The following GAS6 variants were observed in gnomAD, a reference collection of about 807,000 sequenced individuals.
GAS6 encodes growth arrest-specific protein 6.
GAS6 carries 41 observed loss-of-function variants against 75.8 expected under a neutral mutation model. The observed-to-expected ratio is 0.54, with a 90% CI of 0.42 to 0.70. GAS6 has a LOEUF of 0.70. Among genes scored for constraint, GAS6 ranks in the 30% least tolerant of loss-of-function variants. The pLI is 0.00. For synonymous variants in GAS6, 432 were observed against 412.6 expected (o/e 1.05, Z -0.57); for missense variants, 854 against 940.2 (o/e 0.91, Z 1.20).
Position 113,835,648 on chromosome 13 carries a change from A to G in GAS6, c.590-13T>C, listed in dbSNP as rs2051693693. On this transcript the variant is annotated splice_polypyrimidine_tract_variant and intron_variant, in intron 6 of 14. Coordinates refer to ENST00000327773, the MANE Select transcript of GAS6 (RefSeq NM_000820.4). The stretch of plus-strand genomic sequence containing the variant: ...CACTCGTCTATGTCTGCAAGCAAAA[A>G]AAAACCGGCCAACCGCAGCACAGCG... 6.2e-7 allele frequency: 1 copy of G among 1,609,592 alleles called. No individual in the cohort carries two copies. Among genetic ancestry groups the G allele is most frequent in the Non-Finnish European group, 8.5e-7 (1 of 1,178,762 alleles).
At position 113,837,940 on chromosome 13, in the gene GAS6, C is replaced by T; in HGVS notation, c.589+129G>A. The T allele has an allele frequency of 2.7e-6, 3 of 1,116,910 alleles. No individual in the cohort carries two copies. Among genetic ancestry groups the T allele is most frequent in the Non-Finnish European group, 3.9e-6 (3 of 775,780 alleles). 69.2% of individuals were successfully genotyped at this position (1,116,910 alleles called of 1,614,324 possible). On this transcript the variant is annotated intron_variant, in intron 6 of 14. Transcript: ENST00000327773. This position sits in a 1 kb window ranked among gnomAD's most constrained non-coding sequence, Gnocchi z 5.1. Reference sequence around the variant, plus strand: ...CTGGCCTGGGCTTGTGTAGTCTCTGCAGGATGCCCCATCCCATCCAGAACC... The same window carrying T: ...CTGGCCTGGGCTTGTGTAGTCTCTGTAGGATGCCCCATCCCATCCAGAACC...
intron 10 of GAS6, among the ~76,000 whole-genome samples, chr13:113,830,044 G>A (rs1374806165): frequency 6.6e-6 from 1 of 152,244 alleles, no homozygotes; most frequent in Non-Finnish European, 1.5e-5. Flanking sequence ...TCTGGGCCAG[G>A]AGGGCCCTCG....
chr13:113,855,809 C>G (rs2051909909), intron 2 of GAS6, among the ~76,000 whole-genome samples: 1 of 152,242 alleles, frequency 6.6e-6, no homozygotes. Context: ...GCCCTGGCAG[C>G]TGCCTGAGGG....
At chr13:113,827,431 T>A (rs1216099826) in intron 11 of GAS6, among the ~76,000 whole-genome samples, 2 of 152,244 alleles carry the variant, frequency 1.3e-5, no homozygotes, top group Non-Finnish European at 2.9e-5. Flanking sequence ...CATGTGGGTC[T>A]AAGGTCAAAG....
rs191084562 is a variant in GAS6, at chr13:113,832,827, G to A, written c.835-75C>T. The A allele has an allele frequency of 1.2e-4, 191 of 1,602,574 alleles. 2 individuals are homozygous for A. In the East Asian group the frequency reaches 3.0e-3, roughly 25 times the overall value. Reference sequence around the variant, plus strand: ...CTCCCCTGAGCCCCACGCCCCGGCCGCGCAGCGGGTCCACTGTCCCTCCTG... The same window carrying A: ...CTCCCCTGAGCCCCACGCCCCGGCCACGCAGCGGGTCCACTGTCCCTCCTG... On this transcript the variant is annotated intron_variant, in intron 8 of 14. Transcript: ENST00000327773.
intron 14 of GAS6, chr13:113,821,270 C>G: frequency 1.8e-6 from 1 of 550,242 alleles, no homozygotes; most frequent in Non-Finnish European, 3.3e-6. Flanking sequence ...ACAGTCCCAT[C>G]GGTTAAACGT....
intron 11 of GAS6, 127 bp downstream of exon 11, chr13:113,828,420 T>C (rs1594191918): frequency 1.1e-6 from 1 of 898,242 alleles, no homozygotes; most frequent in South Asian, 2.6e-5. Context: ...AAACCTTTCC[T>C]TCCTCTAGGT....
intron 11 of GAS6, among the ~76,000 whole-genome samples, 157 bp downstream of exon 11, chr13:113,828,390 C>T (rs78247067): frequency 9.7e-4 from 148 of 152,264 alleles, no homozygotes; most frequent in African/African-American, 3.2e-3. Context: ...AGCTGTACGG[C>T]GACTTTGTCA....
chr13:113,835,578 G>A lies in GAS6; in HGVS notation c.647C>T (p.Pro216Leu). ...GTCACAGAGGCAGGAGTAGGAGCCG[G>A]GCAGGTTCTTGCAGCGCGCCTCCCC... is the stretch of plus-strand genomic sequence containing the variant. ...ACGEARCKNL[P>L]GSYSCLCDEG... Residue 216 changes from proline (P) to leucine (L), a missense_variant, in exon 7 of 15, where the codon CCC (proline) becomes CTC (leucine). Coordinates refer to ENST00000327773, the MANE Select transcript of GAS6 (RefSeq NM_000820.4). 4 of 1,612,582 alleles carry A rather than the reference G, an allele frequency of 2.5e-6. No homozygotes were observed. Among genetic ancestry groups the A allele is most frequent in the Non-Finnish European group, 3.4e-6 (4 of 1,179,880 alleles).
At chr13:113,835,777 C>G (rs1398020920) in intron 6 of GAS6, 142 bp from the exon 7 acceptor site, 1 of 1,464,496 alleles carries the variant, frequency 6.8e-7, no homozygotes, top group African/African-American at 1.4e-5. Flanking sequence ...GGCCCCATTT[C>G]CCTGCCCTCC....
At chr13:113,823,276 G>A in intron 13 of GAS6, 99 bp downstream of exon 13, 1 of 1,323,024 alleles carries the variant, frequency 7.6e-7, no homozygotes, top group Non-Finnish European at 1.0e-6. Context: ...GGGTCCCTGG[G>A]GATCCCACCG....
At chr13:113,855,907 G>A (rs1428059477) in intron 2 of GAS6, among the ~76,000 whole-genome samples, 1 of 152,184 alleles carries the variant, frequency 6.6e-6, no homozygotes, top group Non-Finnish European at 1.5e-5. Flanking sequence ...GGGTTGCTCT[G>A]AGGACTGGTG....
Position 113,822,068 on chromosome 13 carries a change from T to C in GAS6, c.1772A>G (p.Asp591Gly). ...LRDGEATLEV[D>G]GTRGQSEVSA... is the part of the protein sequence containing the mutation. ...CACCTCGCTCTGGCCCCTGGTGCCGTCCACCTCCAGGGTGGCCTCACCGTC... is the reference window on the plus strand; with the variant it reads ...CACCTCGCTCTGGCCCCTGGTGCCGCCCACCTCCAGGGTGGCCTCACCGTC... The change falls in exon 14 of 15, where the codon GAC (aspartate) becomes GGC (glycine). Residue 591 changes from aspartate to glycine, a missense_variant. Coordinates refer to ENST00000327773, the MANE Select transcript of GAS6 (RefSeq NM_000820.4). 2 of 1,591,278 alleles carry C rather than the reference T, an allele frequency of 1.3e-6. No homozygotes were observed. The highest frequency in any genetic ancestry group is 1.7e-6 in the Non-Finnish European group (2 of 1,170,940).
chr13:113,834,520 T>A (rs111680303), intron 8 of GAS6, 31 bp downstream of exon 8: 46 of 1,498,156 alleles, frequency 3.1e-5, no homozygotes, highest in Non-Finnish European at 3.7e-5. Flanking sequence ...GGAACCACCG[T>A]GAAGGGCCCG....
rs1184931847 is a variant in GAS6, at chr13:113,835,468, A to C, written c.712+45T>G. 5.6e-6 allele frequency: 9 copies of C among 1,601,966 alleles called. 1 individual carries two copies. The highest frequency in any genetic ancestry group is 7.7e-6 in the Non-Finnish European group (9 of 1,172,176). On this transcript the variant is annotated intron_variant, in intron 7 of 14. Transcript: ENST00000327773. The stretch of plus-strand genomic sequence containing the variant: ...GGCAGTGACTGGCACCCGTGTCTAG[A>C]CTTGGGCGTCAGAGAAAGCGAGGGT...
chr13:113,823,273 T>C, intron 13 of GAS6, 102 bp downstream of exon 13: 1 of 1,299,794 alleles, frequency 7.7e-7, no homozygotes, highest in Non-Finnish European at 1.0e-6. Flanking sequence ...TGGGGGTCCC[T>C]GGGGATCCCA....
In GAS6 at chr13:113,822,002, C is replaced by T. The variant is rs796413690; in HGVS notation, c.1838G>A (p.Arg613Lys). ...QLQERLAVLERHLRSPVLTFA... is the reference protein window; with the variant it reads ...QLQERLAVLEKHLRSPVLTFA... Reference sequence around the variant, plus strand: ...GGTGAGCACGGGGCTCCGCAGGTGCCTCTCGAGCACGGCCAGCCTCTCCTG... The same window carrying T: ...GGTGAGCACGGGGCTCCGCAGGTGCTTCTCGAGCACGGCCAGCCTCTCCTG... Residue 613 changes from arginine (R) to lysine (K), a missense_variant, in exon 14 of 15, where the codon AGG becomes AAG. Coordinates refer to ENST00000327773, the MANE Select transcript of GAS6 (RefSeq NM_000820.4). 2.6e-6 allele frequency: 4 copies of T among 1,554,354 alleles called. No homozygotes were observed. Among genetic ancestry groups the T allele is most frequent in the Non-Finnish European group, 2.6e-6 (3 of 1,151,824 alleles).
chr13:113,848,131 A>C lies in GAS6; in HGVS notation c.256-81T>G, dbSNP rs940580950. Reference sequence around the variant, plus strand: ...TGAACAACATAAGCATCAGCTGGTTAATCAGAGGCTGCTCTCGGGGCAGCC... The same window carrying C: ...TGAACAACATAAGCATCAGCTGGTTCATCAGAGGCTGCTCTCGGGGCAGCC... On this transcript the variant is annotated intron_variant, in intron 2 of 14. Transcript: ENST00000327773. This position sits in a 1 kb window ranked among gnomAD's most constrained non-coding sequence, Gnocchi z 4.8. The C allele has an allele frequency of 4.7e-6, 7 of 1,481,422 alleles. No individual in the cohort carries two copies. The highest frequency in any genetic ancestry group is 5.6e-6 in the Non-Finnish European group (6 of 1,078,324). The allele number at this position is 1,481,422 out of a possible 1,614,324, so 91.8% of individuals were successfully genotyped here.
intron 2 of GAS6, among the ~76,000 whole-genome samples, chr13:113,855,367 A>ACAG (rs1256699104): frequency 1.3e-5 from 2 of 152,228 alleles, no homozygotes; most frequent in African/African-American, 4.8e-5. Context: ...GCCTCTGTTC[A>ACAG]CAGCAGCACA....
Sources: allele counts gnomAD v4.1 joint callset (sites outside exome capture counted in the v4.1 genomes callset), GRCh38; gene constraint gnomAD v4.1.1; non-coding constraint Gnocchi (gnomAD v3.1); transcripts MANE v1.5; gene names NCBI Gene and HGNC (gene_info 2026-07-23, HGNC 2026-07-21).